Variants in ZNF679 observed in about 807,000 individuals in gnomAD.
ZNF679 encodes zinc finger protein 679.
Under a neutral mutation model 13.4 loss-of-function variants are expected in ZNF679, and 10 were observed. The ratio of observed to expected loss-of-function variants is 0.75; its 90% CI spans 0.46 to 1.27. The LOEUF is 1.27. Among genes scored for constraint, ZNF679 ranks in the 50% most tolerant of loss-of-function variants. The pLI is 0.00. For missense variants in ZNF679, 525 were observed against 477.8 expected (o/e 1.10, Z -0.92); for synonymous variants, 179 against 162.5 (o/e 1.10, Z -0.77).
chr7:64,259,084 G>C (rs1415457868), intron 2 of ZNF679, among the ~76,000 whole-genome samples: 1 of 151,888 alleles, frequency 6.6e-6, no homozygotes, highest in African/African-American at 2.4e-5. Context: ...GCTAATTTTT[G>C]TATTTTTAGT....
intron 2 of ZNF679, among the ~76,000 whole-genome samples, chr7:64,255,805 C>T (rs1787998195): frequency 6.6e-6 from 1 of 152,040 alleles, no homozygotes. Context: ...GACAGGGTTT[C>T]ACCATGTTGG....
At chr7:64,261,394 G>GT (rs1435006348) in intron 4 of ZNF679, among the ~76,000 whole-genome samples, 2 of 151,656 alleles carry the variant, frequency 1.3e-5, no homozygotes, top group African/African-American at 2.4e-5. Context: ...ATAGTTTAAG[G>GT]TTTTTTTACA....
chr7:64,259,139 T>C (rs1788042919), intron 2 of ZNF679, among the ~76,000 whole-genome samples: 1 of 152,138 alleles, frequency 6.6e-6, no homozygotes, highest in Non-Finnish European at 1.5e-5. Context: ...CTCGAACTCC[T>C]GACATCAAGT....
At chr7:64,238,513 G>A (rs990952688) in intron 1 of ZNF679, among the ~76,000 whole-genome samples, 1 of 151,924 alleles carries the variant, frequency 6.6e-6, no homozygotes, top group Non-Finnish European at 1.5e-5. Flanking sequence ...TTCGCCTCCC[G>A]AGTAGCTGGG....
chr7:64,247,245 A>G (rs747006439), intron 1 of ZNF679, among the ~76,000 whole-genome samples: 1 of 152,072 alleles, frequency 6.6e-6, no homozygotes, highest in African/African-American at 2.4e-5. Context: ...CCAATCTCCT[A>G]TTTATCCTCT....
At chr7:64,248,266 C>A (rs1475809965) in intron 1 of ZNF679, among the ~76,000 whole-genome samples, 1 of 151,984 alleles carries the variant, frequency 6.6e-6, no homozygotes, top group Non-Finnish European at 1.5e-5. Context: ...TGGTCTCTGC[C>A]CGGACATGTG....
At chr7:64,264,769 C>T (rs1438948539) in intron 4 of ZNF679, among the ~76,000 whole-genome samples, 2 of 152,012 alleles carry the variant, frequency 1.3e-5, no homozygotes, top group Non-Finnish European at 2.9e-5. Flanking sequence ...TCACTTTTAT[C>T]TTATAGCTCC....
intron 1 of ZNF679, among the ~76,000 whole-genome samples, chr7:64,231,203 A>C (rs1417815040): frequency 2.0e-5 from 3 of 152,226 alleles, no homozygotes; most frequent in African/African-American, 7.2e-5. Context: ...TATTTGGAAG[A>C]GTCAAAATCT....
chr7:64,250,165 T>C (rs1787926321), intron 2 of ZNF679, among the ~76,000 whole-genome samples: 1 of 149,982 alleles, frequency 6.7e-6, no homozygotes, highest in Non-Finnish European at 1.5e-5. Context: ...TTGAGTTAGA[T>C]TTTTTTTTTA....
intron 4 of ZNF679, among the ~76,000 whole-genome samples, chr7:64,264,928 T>C (rs1351244536): frequency 1.3e-5 from 2 of 152,058 alleles, no homozygotes; most frequent in African/African-American, 4.8e-5. Context: ...CTTTTTTAAT[T>C]CCATGATTGT....
intron 1 of ZNF679, among the ~76,000 whole-genome samples, chr7:64,230,753 G>A (rs532096440): frequency 6.6e-6 from 1 of 152,242 alleles, no homozygotes; most frequent in East Asian, 1.9e-4. Flanking sequence ...ACCAGGTATG[G>A]GAGTAAACAC....
chr7:64,234,411 C>T (rs1346144008), intron 1 of ZNF679, among the ~76,000 whole-genome samples: 1 of 152,160 alleles, frequency 6.6e-6, no homozygotes, highest in East Asian at 1.9e-4. Flanking sequence ...AGATGCGATG[C>T]ACTTTTGCTG....
intron 1 of ZNF679, 29 bp downstream of exon 1, chr7:64,228,681 A>G (rs918605828): frequency 6.6e-5 from 10 of 152,226 alleles, no homozygotes; most frequent in African/African-American, 2.4e-4. Context: ...CACGAGACAC[A>G]GTCTTAACAC....
At chr7:64,255,958 A>G (rs1308322084) in intron 2 of ZNF679, among the ~76,000 whole-genome samples, 4 of 151,964 alleles carry the variant, frequency 2.6e-5, no homozygotes, top group African/African-American at 9.7e-5. Flanking sequence ...TACATATGCA[A>G]GTTTGTTATA....
intron 2 of ZNF679, among the ~76,000 whole-genome samples, chr7:64,249,668 G>C (rs1303897841): frequency 6.6e-6 from 1 of 152,178 alleles, no homozygotes; most frequent in Non-Finnish European, 1.5e-5. Context: ...GAAGAAGTCT[G>C]TTATAAGTTG....
At chr7:64,242,165 C>T (rs1435423471) in intron 1 of ZNF679, among the ~76,000 whole-genome samples, 1 of 152,160 alleles carries the variant, frequency 6.6e-6, no homozygotes, top group Non-Finnish European at 1.5e-5. Context: ...ACTGCATTCA[C>T]ATCTGAAAGT....
chr7:64,241,515 T>C (rs1424885906), intron 1 of ZNF679, among the ~76,000 whole-genome samples: 2 of 152,222 alleles, frequency 1.3e-5, no homozygotes, highest in Non-Finnish European at 2.9e-5. Context: ...GGCAGTACAG[T>C]TACATCACCT....
At chr7:64,234,742 GT>G (rs1342575413) in intron 1 of ZNF679, among the ~76,000 whole-genome samples, 2 of 152,320 alleles carry the variant, frequency 1.3e-5, no homozygotes, top group South Asian at 2.1e-4. Flanking sequence ...CACTACATTT[GT>G]GGGGACTTGT....
intron 4 of ZNF679, among the ~76,000 whole-genome samples, chr7:64,261,801 C>T (rs1407312520): frequency 6.6e-6 from 1 of 150,576 alleles, no homozygotes. Flanking sequence ...ATAGTTCTTC[C>T]CATTTGTATA....
Sources: gnomAD v4.1 joint callset for allele counts (sites outside exome capture counted in the v4.1 genomes callset) on GRCh38, gnomAD v4.1.1 for gene constraint, MANE v1.5 for transcripts, NCBI Gene and HGNC (gene_info 2026-07-23, HGNC 2026-07-21) for gene names.